Variants in GCC2 observed in about 807,000 individuals in gnomAD.
GCC2 encodes the protein GRIP and coiled-coil domain-containing protein 2.
A neutral mutation model predicts 210.6 loss-of-function variants in GCC2; 120 were observed. That is an observed-to-expected ratio of 0.57 (90% CI 0.49 to 0.66). The LOEUF is 0.66. Among genes scored for constraint, GCC2 ranks in the 30% least tolerant of loss-of-function variants. The pLI, the probability that GCC2 is intolerant of heterozygous loss-of-function variation, is 0.00. For synonymous variants in GCC2, 703 were observed against 652.7 expected (o/e 1.08, Z -1.17); for missense variants, 1,868 against 1,871.9 (o/e 1.00, Z 0.04).
chr2:108,458,399 T>G (rs1243616767), intron 4 of GCC2, among the ~76,000 whole-genome samples: 4 of 143,080 alleles, frequency 2.8e-5, no homozygotes, highest in African/African-American at 1.1e-4. Flanking sequence ...TTTTTTGCTG[T>G]GTCCTTGTCT....
At chr2:108,465,014 C>CA (rs1680798242) in intron 4 of GCC2, among the ~76,000 whole-genome samples, 2 of 152,276 alleles carry the variant, frequency 1.3e-5, no homozygotes, top group African/African-American at 4.8e-5. Context: ...CTTGTGAACT[C>CA]AGAGTGAGAG....
Position 108,449,613 on chromosome 2 carries a change from G to C in GCC2, c.7-20G>C. 1.2e-6 allele frequency: 2 copies of C among 1,610,896 alleles called. No homozygotes were observed. Among genetic ancestry groups the C allele is most frequent in the Non-Finnish European group, 1.7e-6 (2 of 1,177,120 alleles). On this transcript the variant is annotated intron_variant, in intron 1 of 22. Transcript: ENST00000309863. ...AGGAAAAGAGTTCTTCTGACACCTG[G>C]GTTTGATTTTGTTTTGCAGGATCTT...
rs3084885 is a variant in GCC2, at chr2:108,498,183, C to CTTTTTTTTTTTT, written c.4782+1093_4782+1104dup. ...ATGACTTATTTAAATGTTATATTTT[C>CTTTTTTTTTTTT]TTTTTTTTTTTTTTTTTTTTTTTTT... On this transcript the variant is annotated intron_variant, in intron 21 of 22. Transcript: ENST00000309863. Among the ~76,000 whole-genome samples the CTTTTTTTTTTTT allele has an allele frequency of 4.7e-4, 27 of 57,480 alleles. 5 individuals are homozygous for CTTTTTTTTTTTT. Among genetic ancestry groups the CTTTTTTTTTTTT allele is most frequent in the African/African-American group, 8.1e-4 (11 of 13,648 alleles). 37.7% of individuals were successfully genotyped at this position (57,480 alleles called of 152,430 possible). A position where few individuals can be genotyped will look rare whatever the true frequency, so the allele number is the denominator to read the frequency against.
At chr2:108,481,951 TAGG>T in intron 10 of GCC2, 135 bp downstream of exon 10, 1 of 624,058 alleles carries the variant, frequency 1.6e-6, no homozygotes, top group Non-Finnish European at 2.7e-6. Context: ...CCTTCCCACT[TAGG>T]AGAGAAGAAT....
chr2:108,507,102 G>T (rs184397725), intron 22 of GCC2, among the ~76,000 whole-genome samples: 136 of 152,256 alleles, frequency 8.9e-4, no homozygotes, highest in Non-Finnish European at 1.7e-3. Context: ...TGTGTCTAAA[G>T]AATGACATAT....
intron 4 of GCC2, among the ~76,000 whole-genome samples, chr2:108,452,751 TG>T (rs2104403392): frequency 6.7e-6 from 1 of 149,218 alleles, no homozygotes; most frequent in South Asian, 2.1e-4. Flanking sequence ...TGAAGTGCAG[TG>T]GTGTGATCTT....
In GCC2 at chr2:108,490,003, A is replaced by G; in HGVS notation, c.4218A>G (p.Glu1406=). ...MLQETVSKEA[E]LREKLCSIQS... is the part of the protein sequence containing the mutation. ...AGGAAACTGTGTCCAAAGAGGCGGA[A>G]CTCCGGGAAAAGTAAGACTGTTAGC... Residue 1406 remains glutamate, a synonymous_variant, in exon 18 of 23, where the codon GAA becomes GAG. Coordinates refer to ENST00000309863, the MANE Select transcript of GCC2 (RefSeq NM_181453.4). 1 of 1,601,012 alleles carries G rather than the reference A, an allele frequency of 6.2e-7. No individual in the cohort carries two copies. Among genetic ancestry groups the G allele is most frequent in the East Asian group, 2.3e-5 (1 of 43,786 alleles).
intron 4 of GCC2, among the ~76,000 whole-genome samples, chr2:108,454,664 T>C (rs2104408549): frequency 6.6e-6 from 1 of 152,338 alleles, no homozygotes; most frequent in South Asian, 2.1e-4. Context: ...TGATCAGCTG[T>C]GTGACCTTGA....
intron 3 of GCC2, among the ~76,000 whole-genome samples, chr2:108,451,454 G>C (rs146969797): frequency 6.6e-6 from 1 of 152,166 alleles, no homozygotes; most frequent in Non-Finnish European, 1.5e-5. Flanking sequence ...AAATGTTAGA[G>C]ACAGAAGATA....
intron 4 of GCC2, among the ~76,000 whole-genome samples, chr2:108,458,530 T>G (rs1229604093): frequency 6.6e-6 from 1 of 152,036 alleles, no homozygotes; most frequent in Non-Finnish European, 1.5e-5. Context: ...TTGGTAGAAT[T>G]CAGTGTGCAT....
chr2:108,492,117 C>G (rs1326640154), intron 18 of GCC2, among the ~76,000 whole-genome samples: 1 of 147,402 alleles, frequency 6.8e-6, no homozygotes, highest in African/African-American at 2.5e-5. Context: ...CTAAAGTTTT[C>G]TGAGTAAATC....
intron 4 of GCC2, among the ~76,000 whole-genome samples, chr2:108,458,374 CTT>C (rs70956257): frequency 2.8e-4 from 28 of 100,304 alleles, no homozygotes; most frequent in Admixed American, 4.2e-4. Flanking sequence ...TTGTTGCTTT[CTT>C]TTTTTTTTTT....
Position 108,470,903 on chromosome 2 carries a change from C to G in GCC2, c.1574C>G (p.Thr525Ser). The change falls in exon 6 of 23, where the codon ACT becomes AGT. Residue 525 changes from threonine to serine, a missense_variant. Thr to Ser is a moderately conservative substitution (Grantham distance 58). Coordinates refer to ENST00000309863, the MANE Select transcript of GCC2 (RefSeq NM_181453.4). ...CATGAACTGCAGCAGAAGCTCAGAACTGCTTTTACTGAAAAAGATGCCCTT... is the reference window on the plus strand; with the variant it reads ...CATGAACTGCAGCAGAAGCTCAGAAGTGCTTTTACTGAAAAAGATGCCCTT... ...DVHELQQKLR[T>S]AFTEKDALLE... 1 of 1,613,566 alleles carries G rather than the reference C, an allele frequency of 6.2e-7. No homozygotes were observed. The highest frequency in any genetic ancestry group is 1.7e-5 in the Admixed American group (1 of 59,982).
Position 108,471,336 on chromosome 2 carries a change from T to C in GCC2, c.2007T>C (p.Leu669=). The C allele has an allele frequency of 6.2e-7, 1 of 1,612,066 alleles. No homozygotes were observed. Among genetic ancestry groups the C allele is most frequent in the Non-Finnish European group, 8.5e-7 (1 of 1,179,372 alleles). The change falls in exon 6 of 23, where the codon CTT becomes CTC. Residue 669 remains leucine (L), a synonymous_variant. Coordinates refer to ENST00000309863, the MANE Select transcript of GCC2 (RefSeq NM_181453.4). ...AAAATGACCAAAAACTAGAAAAACT[T>C]ATGGTTCAAATGAAAGTTCTCTCTG... ...KDQNDQKLEK[L]MVQMKVLSED...
At chr2:108,449,567 C>A in intron 1 of GCC2, 66 bp from the exon 2 acceptor site, 1 of 1,467,094 alleles carries the variant, frequency 6.8e-7, no homozygotes, top group South Asian at 1.1e-5. Flanking sequence ...TGTAAGGGTT[C>A]TACGCGTTCC....
chr2:108,461,813 G>C (rs530799464), intron 4 of GCC2, among the ~76,000 whole-genome samples: 95 of 142,400 alleles, frequency 6.7e-4, no homozygotes, highest in African/African-American at 1.6e-3. Context: ...CACTAAATAG[G>C]TTTTCTTTTT....
In GCC2 at chr2:108,485,862, TA is replaced by T; in HGVS notation, c.3750del (p.Gly1251ValfsTer10). On this transcript the variant is annotated frameshift_variant, in exon 15 of 23. Coordinates refer to ENST00000309863, the MANE Select transcript of GCC2 (RefSeq NM_181453.4). LOFTEE classifies it high-confidence loss of function. The part of the protein sequence containing the change: ...ETDHLILQAS[L>X]KGELEASQQQ... ...GATCACTTAATACTTCAAGCATCTT[TA>T]AAAGGTGAGCTGGAGGCAAGCCAGC... is the stretch of plus-strand genomic sequence containing the variant. The T allele has an allele frequency of 1.9e-6, 3 of 1,593,310 alleles. No individual in the cohort carries two copies. Among genetic ancestry groups the T allele is most frequent in the African/African-American group, 1.4e-5 (1 of 74,022 alleles).
chr2:108,480,343 G>A (rs958824485), intron 9 of GCC2, among the ~76,000 whole-genome samples: 2 of 152,138 alleles, frequency 1.3e-5, no homozygotes, highest in South Asian at 4.1e-4. Context: ...GTGGAAAACA[G>A]ATTCCTCAAA....
In GCC2 at chr2:108,472,895, A is replaced by G. The variant is rs1681313922; in HGVS notation, c.2856A>G (p.Lys952=). The G allele has an allele frequency of 6.4e-7, 1 of 1,551,934 alleles. No homozygotes were observed. Among genetic ancestry groups the G allele is most frequent in the East Asian group, 2.3e-5 (1 of 44,282 alleles). The change falls in exon 7 of 23, where the codon AAA becomes AAG. Residue 952 remains lysine (K), a synonymous_variant. Transcript: ENST00000309863. ...PLSSVKELEE[K]IENLEKECKE... ...CTTCAGTAAAAGAGTTGGAAGAAAA[A>G]ATAGGTAACTATGGTTTTGCAGATG...
Sources: allele counts gnomAD v4.1 joint callset (sites outside exome capture counted in the v4.1 genomes callset), GRCh38; gene constraint gnomAD v4.1.1; transcripts MANE v1.5; gene names NCBI Gene and HGNC (gene_info 2026-07-23, HGNC 2026-07-21).